TSNARE1: variants seen among roughly 807,000 people sequenced by gnomAD.
The protein encoded by TSNARE1 is t-SNARE domain-containing protein 1.
TSNARE1 carries 49 observed loss-of-function variants against 62.0 expected under a neutral mutation model. The observed-to-expected ratio is 0.79, with a 90% CI of 0.63 to 1.00. The LOEUF is 1.00. TSNARE1 is among the 50% of genes least tolerant of loss of function. The pLI is 0.00. For synonymous variants in TSNARE1, 328 were observed against 294.4 expected (o/e 1.11, Z -1.17); for missense variants, 755 against 700.1 (o/e 1.08, Z -0.88).
At chr8:142,397,420 A>G (rs1837968476) in intron 1 of TSNARE1, among the ~76,000 whole-genome samples, 1 of 152,174 alleles carries the variant, frequency 6.6e-6, no homozygotes, top group Non-Finnish European at 1.5e-5. Context: ...CCCACCTCCC[A>G]GGAGGCTGCA....
intron 1 of TSNARE1, among the ~76,000 whole-genome samples, chr8:142,376,500 T>C (rs1301247777): frequency 1.3e-5 from 2 of 152,096 alleles, no homozygotes; most frequent in East Asian, 1.9e-4. Context: ...CTTTCCACCA[T>C]GTGTGGGCAC....
At chr8:142,369,926 T>C (rs1226907228) in intron 1 of TSNARE1, among the ~76,000 whole-genome samples, 1 of 152,240 alleles carries the variant, frequency 6.6e-6, no homozygotes, top group African/African-American at 2.4e-5. Flanking sequence ...GCATTCACTC[T>C]AGACTGAATG....
intron 6 of TSNARE1, among the ~76,000 whole-genome samples, chr8:142,329,639 C>G (rs898269897): frequency 5.9e-5 from 9 of 152,186 alleles, no homozygotes; most frequent in Admixed American, 5.9e-4. Context: ...CCCGAGCACC[C>G]CAGAGCCCAG....
intron 8 of TSNARE1, among the ~76,000 whole-genome samples, 158 bp from the exon 9 acceptor site, chr8:142,314,598 CAGCGACTCGCTG>C (rs1277796584): frequency 1.3e-5 from 2 of 152,024 alleles, no homozygotes; most frequent in Non-Finnish European, 2.9e-5. Flanking sequence ...TGAGCTCTGC[CAGCGACTCGCTG>C]GATGGCCTCT....
chr8:142,406,621 C>T (rs1480582844), upstream of TSNARE1: 5 of 152,416 alleles, frequency 3.3e-5, no homozygotes, highest in African/African-American at 1.2e-4. Context: ...TAACACCAGA[C>T]TAAGCCCTGT....
chr8:142,213,967 C>G (rs886424416), intron 13 of TSNARE1, among the ~76,000 whole-genome samples: 3 of 152,178 alleles, frequency 2.0e-5, no homozygotes, highest in East Asian at 3.9e-4. Flanking sequence ...CCAGCCCCCC[C>G]GGGAAGCCCT....
At chr8:142,287,402 C>A (rs557401636) in intron 10 of TSNARE1, among the ~76,000 whole-genome samples, 138 of 103,202 alleles carry the variant, frequency 1.3e-3, no homozygotes, top group Non-Finnish European at 2.0e-3. Flanking sequence ...GATGTGGAAC[C>A]CAGGACCCCG....
chr8:142,321,448 C>T lies in TSNARE1; in HGVS notation c.894-2814G>A, dbSNP rs117563281. On this transcript the variant is annotated intron_variant, in intron 6 of 13. Transcript: ENST00000524325. The stretch of plus-strand genomic sequence containing the variant: ...CCTAAAGAAGCCAGCAAATTAAACA[C>T]AAAGGAAGTAGAACAGAGATAATAA... Among the ~76,000 whole-genome samples the T allele has an allele frequency of 2.0e-3, 303 of 152,126 alleles. 2 individuals are homozygous for T. Among genetic ancestry groups the T allele is most frequent in the Non-Finnish European group, 3.9e-3 (265 of 67,982 alleles).
At chr8:142,391,120 C>G (rs1837488760) in intron 1 of TSNARE1, among the ~76,000 whole-genome samples, 1 of 127,994 alleles carries the variant, frequency 7.8e-6, no homozygotes, top group African/African-American at 3.0e-5. Context: ...AGACGCTGTA[C>G]ACTGCTGGGG....
chr8:142,316,766 G>C (rs897077086), intron 7 of TSNARE1, among the ~76,000 whole-genome samples: 1 of 151,858 alleles, frequency 6.6e-6, no homozygotes, highest in African/African-American at 2.4e-5. Context: ...GTTTTCTTGC[G>C]TGGGGGCATG....
intron 10 of TSNARE1, among the ~76,000 whole-genome samples, chr8:142,298,300 C>T (rs934899186): frequency 1.6e-4 from 24 of 152,244 alleles, no homozygotes; most frequent in African/African-American, 5.8e-4. Flanking sequence ...CACAGAGTGC[C>T]AGAGGGAACC....
chr8:142,216,817 C>T (rs1041460789), intron 13 of TSNARE1, among the ~76,000 whole-genome samples: 3 of 152,188 alleles, frequency 2.0e-5, no homozygotes, highest in African/African-American at 4.8e-5. Flanking sequence ...TCCTCTCAGT[C>T]GACAAATCTG....
At chr8:142,394,575 T>A (rs2131409401) in intron 1 of TSNARE1, among the ~76,000 whole-genome samples, 1 of 152,282 alleles carries the variant, frequency 6.6e-6, no homozygotes, top group South Asian at 2.1e-4. Context: ...CATGGCGCAG[T>A]GTGGGAATGA....
chr8:142,318,459 T>TG (rs1828926503), intron 7 of TSNARE1, 85 bp downstream of exon 7: 9 of 1,363,924 alleles, frequency 6.6e-6, no homozygotes, highest in Non-Finnish European at 9.2e-6. Flanking sequence ...CCCTGTATCC[T>TG]GCCTCGTGTG....
chr8:142,382,134 C>T (rs368727827), intron 1 of TSNARE1, among the ~76,000 whole-genome samples: 3 of 152,318 alleles, frequency 2.0e-5, no homozygotes, highest in East Asian at 3.9e-4. Context: ...ATCCGAGTGG[C>T]ATGTGTGAGC....
At chr8:142,359,432 G>C (rs867978784) in intron 1 of TSNARE1, among the ~76,000 whole-genome samples, 4 of 152,272 alleles carry the variant, frequency 2.6e-5, no homozygotes, top group South Asian at 2.1e-4. Flanking sequence ...CCTGTCTCCT[G>C]TCCCTAATCA....
intron 13 of TSNARE1, among the ~76,000 whole-genome samples, chr8:142,222,812 T>C (rs201508510): frequency 1.2e-4 from 3 of 25,958 alleles, no homozygotes; most frequent in African/African-American, 2.6e-4. Context: ...ACTCACTCAT[T>C]CACTCACTCA....
At chr8:142,401,316 G>A (rs1001412181) in intron 1 of TSNARE1, among the ~76,000 whole-genome samples, 6 of 152,130 alleles carry the variant, frequency 3.9e-5, no homozygotes, top group African/African-American at 1.4e-4. Context: ...GAGGCTCCCA[G>A]GCACACAGGA....
intron 7 of TSNARE1, among the ~76,000 whole-genome samples, chr8:142,318,099 C>T (rs757169892): frequency 3.3e-5 from 5 of 152,152 alleles, no homozygotes; most frequent in South Asian, 2.1e-4. Flanking sequence ...GAGGCCCATG[C>T]GTCTGATAAG....
Sources: gnomAD v4.1 joint callset for allele counts (sites outside exome capture counted in the v4.1 genomes callset) on GRCh38, gnomAD v4.1.1 for gene constraint, MANE v1.5 for transcripts, NCBI Gene and HGNC (gene_info 2026-07-23, HGNC 2026-07-21) for gene names.